Variants in SEMA4B observed in about 807,000 individuals in gnomAD.
SEMA4B encodes the protein semaphorin-4B.
Under a neutral mutation model 88.1 loss-of-function variants are expected in SEMA4B, and 55 were observed. The ratio of observed to expected loss-of-function variants is 0.62; its 90% CI spans 0.50 to 0.78. SEMA4B has a LOEUF of 0.78. Ranked by LOEUF, SEMA4B falls within the 30% of genes least tolerant of loss-of-function variation. SEMA4B has a pLI of 0.00. For synonymous variants in SEMA4B, 525 were observed against 473.6 expected, an observed-to-expected ratio of 1.11 and a Z score of -1.41; for missense variants, 1,062 against 1,111.9, an observed-to-expected ratio of 0.96 and a Z score of 0.64.
chr15:90,228,792 CTCCAG>C lies in SEMA4B; in HGVS notation c.*152_*156del. 5.6e-6 allele frequency: 6 copies of C among 1,065,120 alleles called. No homozygotes were observed. The highest frequency in any genetic ancestry group is 8.0e-6 in the Non-Finnish European group (6 of 754,278). 66.0% of individuals were successfully genotyped at this position (1,065,120 alleles called of 1,614,324 possible). A position where few individuals can be genotyped will look rare whatever the true frequency, so the allele number is the denominator to read the frequency against. Reference sequence around the variant, plus strand: ...CCTTGGGGCCAGCTGGCCTGCTGCTCTCCAGTCAAGTAGCGAAGCTCCTACCACCC... The same window carrying C: ...CCTTGGGGCCAGCTGGCCTGCTGCTCTCAAGTAGCGAAGCTCCTACCACCC... On this transcript the variant is annotated 3_prime_UTR_variant, in exon 14 of 14. Coordinates refer to ENST00000411539, the MANE Select transcript of SEMA4B (RefSeq NM_198925.4).
chr15:90,188,176 G>A (rs113385538), intron 1 of SEMA4B, among the ~76,000 whole-genome samples: 10,517 of 151,342 alleles, frequency 0.069, 514 homozygotes, highest in South Asian at 0.17. Flanking sequence ...AAAATTAGCC[G>A]AGCATGGTGG....
chr15:90,221,800 G>T, intron 7 of SEMA4B, 35 bp downstream of exon 7: 1 of 1,604,860 alleles, frequency 6.2e-7, no homozygotes, highest in Non-Finnish European at 8.5e-7. Context: ...GGCCACCCCA[G>T]GGACCTCAAA....
chr15:90,191,108 A>G (rs1567041568), intron 1 of SEMA4B, among the ~76,000 whole-genome samples: 1 of 152,204 alleles, frequency 6.6e-6, no homozygotes, highest in Non-Finnish European at 1.5e-5. Context: ...CTGTCAGGGC[A>G]GGGACAGGTT....
intron 1 of SEMA4B, among the ~76,000 whole-genome samples, chr15:90,192,441 G>C (rs1960370748): frequency 6.6e-6 from 1 of 152,216 alleles, no homozygotes; most frequent in Non-Finnish European, 1.5e-5. Context: ...TGATCACTTG[G>C]GAGGCCAGAT....
In SEMA4B at chr15:90,210,035, G is replaced by C. The variant is rs114267405; in HGVS notation, c.158-7404G>C. 3.4e-3 allele frequency among the ~76,000 whole-genome samples: 512 copies of C among 152,370 alleles called. 2 individuals are homozygous for C. Among genetic ancestry groups the C allele is most frequent in the African/African-American group, 0.011 (478 of 41,584 alleles). ...ATGGGAGGCTGGTTGGGAGGCTGCTGTGATGGTGGCCTAGGTGAGAGAGGA... is the reference window on the plus strand; with the variant it reads ...ATGGGAGGCTGGTTGGGAGGCTGCTCTGATGGTGGCCTAGGTGAGAGAGGA... On this transcript the variant is annotated intron_variant, in intron 1 of 13. Coordinates refer to ENST00000411539, the MANE Select transcript of SEMA4B (RefSeq NM_198925.4).
chr15:90,195,923 T>A (rs1960485552), intron 1 of SEMA4B, among the ~76,000 whole-genome samples: 1 of 123,232 alleles, frequency 8.1e-6, no homozygotes. Flanking sequence ...TTTGTACTTC[T>A]CTTTTTTTTT....
intron 1 of SEMA4B, among the ~76,000 whole-genome samples, chr15:90,215,447 A>T (rs1187101995): frequency 6.6e-6 from 1 of 152,112 alleles, no homozygotes; most frequent in Non-Finnish European, 1.5e-5. Flanking sequence ...ATATAACCTG[A>T]ATTTTCACTT....
chr15:90,187,342 G>A (rs1960194724), intron 1 of SEMA4B, among the ~76,000 whole-genome samples: 1 of 152,226 alleles, frequency 6.6e-6, no homozygotes, highest in Non-Finnish European at 1.5e-5. Flanking sequence ...GAAGGAAAAC[G>A]TGAATGAATC....
Position 90,228,235 on chromosome 15 carries a change from T to C in SEMA4B, c.2106T>C (p.Ala702=), listed in dbSNP as rs1421318724. The C allele has an allele frequency of 1.9e-6, 3 of 1,602,712 alleles. No individual in the cohort carries two copies. Among genetic ancestry groups the C allele is most frequent in the East Asian group, 4.5e-5 (2 of 44,862 alleles). The change falls in exon 14 of 14, where the codon GCT becomes GCC. Residue 702 remains alanine, a synonymous_variant. Transcript: ENST00000411539. ...GCACATCGCGTGTGAGTGCACCAGC[T>C]GGTGGCAAGGCCAGCTGGGGTGCAG... ...IISTSRVSAP[A]GGKASWGADR... is the part of the protein sequence containing the mutation.
At chr15:90,213,543 A>G (rs1390073431) in intron 1 of SEMA4B, among the ~76,000 whole-genome samples, 1 of 152,232 alleles carries the variant, frequency 6.6e-6, no homozygotes, top group Non-Finnish European at 1.5e-5. Context: ...TTTCCCCTCC[A>G]GCCGGCTGCA....
At chr15:90,215,778 C>T (rs1262714498) in intron 1 of SEMA4B, among the ~76,000 whole-genome samples, 1 of 152,100 alleles carries the variant, frequency 6.6e-6, no homozygotes, top group Non-Finnish European at 1.5e-5. Flanking sequence ...TGCCAGTGCA[C>T]TCCTGCCTGG....
chr15:90,196,192 T>C (rs1490917453), intron 1 of SEMA4B, among the ~76,000 whole-genome samples: 1 of 151,466 alleles, frequency 6.6e-6, no homozygotes, highest in Non-Finnish European at 1.5e-5. Context: ...CCTCCCAAAG[T>C]GCTGGGATTC....
chr15:90,197,181 G>GT (rs1249711088), upstream of SEMA4B, among the ~76,000 whole-genome samples: 1 of 152,060 alleles, frequency 6.6e-6, no homozygotes, highest in Non-Finnish European at 1.5e-5. Flanking sequence ...GAGTCCAGGA[G>GT]TTTGAGACCA....
chr15:90,187,111 A>G (rs1317757706), intron 1 of SEMA4B, among the ~76,000 whole-genome samples: 2 of 152,162 alleles, frequency 1.3e-5, no homozygotes, highest in Non-Finnish European at 2.9e-5. Context: ...ATCTGACTAC[A>G]TTGGACAGGA....
intron 4 of SEMA4B, 98 bp from the exon 5 acceptor site, chr15:90,220,884 T>G: frequency 1.3e-6 from 1 of 754,280 alleles, no homozygotes. Context: ...CTCACCTGCC[T>G]GCAGAGTTGC....
In SEMA4B at chr15:90,223,719, A is replaced by G. The variant is rs755512080; in HGVS notation, c.1022A>G (p.Tyr341Cys). 4 of 1,608,510 alleles carry G rather than the reference A, an allele frequency of 2.5e-6. No homozygotes were observed. Among genetic ancestry groups the G allele is most frequent in the South Asian group, 1.1e-5 (1 of 90,732 alleles). ...CAGGACTGGCGTGACACCCTTTTCTATGGGGTCTTCACTTCCCAGTGGTAG... is the reference window on the plus strand; with the variant it reads ...CAGGACTGGCGTGACACCCTTTTCTGTGGGGTCTTCACTTCCCAGTGGTAG... The part of the protein sequence containing the change: ...SPQDWRDTLF[Y>C]GVFTSQWHRG... Residue 341 changes from tyrosine to cysteine, a missense_variant, in exon 8 of 14, where the codon TAT becomes TGT. Tyr to Cys is a radical substitution (Grantham distance 194). Transcript: ENST00000411539.
At position 90,227,907 on chromosome 15, in the gene SEMA4B, A is replaced by G. The variant is rs1469121218; in HGVS notation, c.1778A>G (p.Glu593Gly). The change falls in exon 14 of 14, where the codon GAG becomes GGG. Residue 593 changes from glutamate to glycine, a missense_variant. Coordinates refer to ENST00000411539, the MANE Select transcript of SEMA4B (RefSeq NM_198925.4). ...CCCATGCCTTTTCTGCCTACAGGGG[A>G]GAAGCCATGTGAGCAAGTCCAGTTC... Reference protein sequence around the residue: ...VVSPSFVPTGEKPCEQVQFQP... With the variant: ...VVSPSFVPTGGKPCEQVQFQP... The G allele has an allele frequency of 1.2e-6, 2 of 1,611,172 alleles. No homozygotes were observed.
At chr15:90,207,842 AC>A (rs1961067944) in intron 1 of SEMA4B, among the ~76,000 whole-genome samples, 1 of 152,236 alleles carries the variant, frequency 6.6e-6, no homozygotes, top group African/African-American at 2.4e-5. Flanking sequence ...GAGCTGGCAG[AC>A]ATGTGGCACA....
At chr15:90,185,159 C>A in intron 1 of SEMA4B, 1 of 801,978 alleles carries the variant, frequency 1.2e-6, no homozygotes, top group Non-Finnish European at 1.5e-6. Flanking sequence ...GCCGCGCAGC[C>A]GCTGCCCCCA....
Sources: allele counts gnomAD v4.1 joint callset (sites outside exome capture counted in the v4.1 genomes callset), GRCh38; gene constraint gnomAD v4.1.1; transcripts MANE v1.5; gene names NCBI Gene and HGNC (gene_info 2026-07-23, HGNC 2026-07-21).